POLA2: variants seen among roughly 807,000 people sequenced by gnomAD.
POLA2 encodes the protein DNA polymerase alpha subunit B.
Under a neutral mutation model 82.8 loss-of-function variants are expected in POLA2, and 47 were observed. The observed-to-expected ratio is 0.57, with a 90% CI of 0.45 to 0.72. The LOEUF (loss-of-function observed/expected upper bound fraction) is 0.72. POLA2 is among the 30% of genes least tolerant of loss of function. The pLI is 0.00. For missense variants in POLA2, 634 were observed against 728.1 expected, an observed-to-expected ratio of 0.87 and a Z score of 1.49; for synonymous variants, 287 against 286.8, an observed-to-expected ratio of 1.00 and a Z score of -0.01.
intron 14 of POLA2, 43 bp from the exon 15 acceptor site, chr11:65,294,503 G>C (rs990137437): frequency 6.5e-7 from 1 of 1,534,324 alleles, no homozygotes; most frequent in African/African-American, 1.4e-5. Context: ...GATGTTTCTA[G>C]CTTTGGCATA....
At chr11:65,284,856 C>A (rs1484981679) in intron 10 of POLA2, among the ~76,000 whole-genome samples, 1 of 152,150 alleles carries the variant, frequency 6.6e-6, no homozygotes, top group African/African-American at 2.4e-5. Context: ...CACAGTGGAG[C>A]ACTGTTAAGG....
chr11:65,290,675 G>A (rs746477073), intron 13 of POLA2, among the ~76,000 whole-genome samples: 13 of 152,006 alleles, frequency 8.6e-5, no homozygotes, highest in African/African-American at 1.5e-4. Flanking sequence ...AGGCTGCATC[G>A]GCTCTCACTC....
chr11:65,291,723 T>G (rs184472372), intron 13 of POLA2, among the ~76,000 whole-genome samples: 3 of 152,310 alleles, frequency 2.0e-5, no homozygotes. Flanking sequence ...CGTGTGGTAT[T>G]GACAGCAGTG....
rs771982944 is a variant in POLA2, at chr11:65,279,606, C to T, written c.724C>T (p.Pro242Ser). Reference protein sequence around the residue: ...KEHYKIEAFTPLLAPAQEPVT... With the variant: ...KEHYKIEAFTSLLAPAQEPVT... The stretch of plus-strand genomic sequence containing the variant: ...ACATTACAAGATTGAAGCTTTCACT[C>T]CTTTGCTAGCCCCAGCACAGGTAAG... Residue 242 changes from proline to serine, a missense_variant, in exon 7 of 18, where the codon CCT becomes TCT. By Grantham distance (74) the Pro-to-Ser change is moderately conservative (BLOSUM62 -1). Transcript: ENST00000265465. 1.9e-6 allele frequency: 3 copies of T among 1,612,526 alleles called. No individual in the cohort carries two copies. Among genetic ancestry groups the T allele is most frequent in the Non-Finnish European group, 2.5e-6 (3 of 1,178,638 alleles).
At chr11:65,279,068 A>G (rs935936078) in intron 6 of POLA2, 145 bp downstream of exon 6, 1 of 660,858 alleles carries the variant, frequency 1.5e-6, no homozygotes, top group South Asian at 1.9e-5. Context: ...TGGAAGCCCT[A>G]GTAATGGAGG....
At chr11:65,290,439 G>A (rs1179670889) in intron 13 of POLA2, among the ~76,000 whole-genome samples, 1 of 152,098 alleles carries the variant, frequency 6.6e-6, no homozygotes. Context: ...CGGAGGCTGA[G>A]GCAGGAGAAT....
chr11:65,289,353 C>G (rs1436683082), intron 12 of POLA2, among the ~76,000 whole-genome samples: 1 of 152,238 alleles, frequency 6.6e-6, no homozygotes, highest in Non-Finnish European at 1.5e-5. Flanking sequence ...TGCTAAGGCA[C>G]AAGAGCACTA....
intron 4 of POLA2, among the ~76,000 whole-genome samples, chr11:65,269,944 G>C (rs1429295952): frequency 6.6e-6 from 1 of 152,164 alleles, no homozygotes; most frequent in Non-Finnish European, 1.5e-5. Context: ...AAGCAATTCT[G>C]CCTCAGCCTC....
At chr11:65,294,739 T>A in intron 15 of POLA2, 87 bp downstream of exon 15, 1 of 904,050 alleles carries the variant, frequency 1.1e-6, no homozygotes, top group Non-Finnish European at 1.8e-6. Flanking sequence ...AGGGGCTGCT[T>A]AACGGTCTTG....
At chr11:65,287,031 A>T (rs1255011937) in intron 10 of POLA2, among the ~76,000 whole-genome samples, 1 of 152,160 alleles carries the variant, frequency 6.6e-6, no homozygotes, top group Non-Finnish European at 1.5e-5. Flanking sequence ...TCACCTCAAG[A>T]TTGCAGACCC....
At chr11:65,299,327 A>ATGCCCT (rs1949845067), downstream of POLA2, among the ~76,000 whole-genome samples, 2 of 152,184 alleles carry the variant, frequency 1.3e-5, no homozygotes, top group African/African-American at 4.8e-5. Flanking sequence ...TCCCATGCCC[A>ATGCCCT]TGCCCTTGCC....
At chr11:65,285,401 C>CA (rs71270579) in intron 10 of POLA2, among the ~76,000 whole-genome samples, 4,107 of 142,772 alleles carry the variant, frequency 0.029, 52 homozygotes, top group African/African-American at 0.035. Context: ...GACTCTGTCT[C>CA]AAAAAAAAAA....
At chr11:65,273,235 G>C (rs959717656) in intron 4 of POLA2, among the ~76,000 whole-genome samples, 9 of 151,896 alleles carry the variant, frequency 5.9e-5, no homozygotes, top group African/African-American at 2.2e-4. Flanking sequence ...CAGGAGAATT[G>C]CCTGAACCCA....
downstream of POLA2, among the ~76,000 whole-genome samples, chr11:65,298,850 G>A (rs76029476): frequency 0.01 from 1,568 of 152,298 alleles, 29 homozygotes; most frequent in African/African-American, 0.036. Context: ...GTCAGCCTCC[G>A]GATGTGGAAT....
chr11:65,281,011 G>C lies in POLA2; in HGVS notation c.764G>C (p.Gly255Ala). Residue 255 changes from glycine (G) to alanine (A), a missense_variant, in exon 8 of 18, where the codon GGC becomes GCC. By Grantham distance (60) the Gly-to-Ala change is moderately conservative. Transcript: ENST00000265465. ...APAQEPVTLL[G>A]QIGCDSNGKL... is the part of the protein sequence containing the mutation. ...TGGTAGGAGCCTGTCACTCTGCTGG[G>C]CCAGATTGGCTGTGATAGCAACGGG... 1 of 1,613,914 alleles carries C rather than the reference G, an allele frequency of 6.2e-7. No individual in the cohort carries two copies. The highest frequency in any genetic ancestry group is 8.5e-7 in the Non-Finnish European group (1 of 1,179,984).
chr11:65,267,638 T>C (rs977963186), intron 3 of POLA2, 70 bp downstream of exon 3: 17 of 1,052,612 alleles, frequency 1.6e-5, no homozygotes, highest in Non-Finnish European at 2.1e-5. Flanking sequence ...TGTAGTCGCA[T>C]GTGTAATTTA....
chr11:65,282,090 C>T (rs1949647720), intron 9 of POLA2, among the ~76,000 whole-genome samples: 1 of 152,190 alleles, frequency 6.6e-6, no homozygotes, highest in African/African-American at 2.4e-5. Flanking sequence ...CGAAAGGTTA[C>T]CTATCCCTGC....
chr11:65,274,515 A>G (rs999721176), intron 4 of POLA2, among the ~76,000 whole-genome samples: 1 of 151,632 alleles, frequency 6.6e-6, no homozygotes, highest in Non-Finnish European at 1.5e-5. Context: ...CCCCATCTCT[A>G]CTAAAGATAC....
chr11:65,281,530 T>C, intron 8 of POLA2, 140 bp from the exon 9 acceptor site: 1 of 662,508 alleles, frequency 1.5e-6, no homozygotes, highest in Middle Eastern at 2.7e-4. Context: ...CGCCCTTAAT[T>C]CGTTTTCTAC....
Sources: allele counts gnomAD v4.1 joint callset (sites outside exome capture counted in the v4.1 genomes callset), GRCh38; gene constraint gnomAD v4.1.1; transcripts MANE v1.5; gene names NCBI Gene and HGNC (gene_info 2026-07-23, HGNC 2026-07-21).